The following ASMTL variants were observed in gnomAD, a reference collection of about 807,000 sequenced individuals.
ASMTL encodes the protein probable bifunctional dTTP/UTP pyrophosphatase/methyltransferase protein.
In ASMTL, 57 loss-of-function variants were observed where a neutral mutation model predicts 60.3. The observed-to-expected ratio is 0.95, with a 90% CI of 0.76 to 1.18. The LOEUF is 1.18. ASMTL is among the 50% of genes most tolerant of loss of function. ASMTL has a pLI of 0.00. For missense variants in ASMTL, 981 were observed against 852.6 expected (o/e 1.15, Z -1.88); for synonymous variants, 419 against 373.0 (o/e 1.12, Z -1.42).
At position 1,442,319 on chromosome X, in the gene ASMTL, T is replaced by C; in HGVS notation, c.94-2A>G. 1 of 1,613,788 alleles carries C rather than the reference T, an allele frequency of 6.2e-7. No homozygotes were observed. On this transcript the variant is annotated splice_acceptor_variant, in intron 1 of 12. Coordinates refer to ENST00000381317, the MANE Select transcript of ASMTL (RefSeq NM_004192.4). LOFTEE classifies it high-confidence loss of function. ...GGGGACCACCTCAAACCTGAGACCCTGCAACAGTAGAAAAGGGGTCAGAAG... is the reference window on the plus strand; with the variant it reads ...GGGGACCACCTCAAACCTGAGACCCCGCAACAGTAGAAAAGGGGTCAGAAG...
chrX:1,432,355 G>A lies in ASMTL; in HGVS notation c.423C>T (p.Val141=). ...SSKDHQLDTR[V]SEFYEETKVK... is the part of the protein sequence containing the mutation. ...CCTTCGTTTCCTCGTAGAATTCCGAGACCCTGGTGTCCAGCTGATGGTCTG... is the reference window on the plus strand; with the variant it reads ...CCTTCGTTTCCTCGTAGAATTCCGAAACCCTGGTGTCCAGCTGATGGTCTG... The change falls in exon 6 of 13, where the codon GTC becomes GTT. Residue 141 remains valine (V), a synonymous_variant. Coordinates refer to ENST00000381317, the MANE Select transcript of ASMTL (RefSeq NM_004192.4). The A allele has an allele frequency of 5.0e-6, 8 of 1,613,118 alleles. No homozygotes were observed. Among genetic ancestry groups the A allele is most frequent in the Non-Finnish European group, 5.9e-6 (7 of 1,179,716 alleles).
In ASMTL at chrX:1,421,690, C is replaced by A. The variant is rs182376417; in HGVS notation, c.1213G>T (p.Ala405Ser). ...IREGTNQHHR[A>S]LGKKAEDLFQ... is the part of the protein sequence containing the mutation. ...AGATCTTCCGCCTTCTTCCCCAACGCCCTGTGGTGCTGGTTTGTTCCCTCT... is the reference window on the plus strand; with the variant it reads ...AGATCTTCCGCCTTCTTCCCCAACGACCTGTGGTGCTGGTTTGTTCCCTCT... Residue 405 changes from alanine to serine, a missense_variant, in exon 9 of 13, where the codon GCG (alanine) becomes TCG (serine). Coordinates refer to ENST00000381317, the MANE Select transcript of ASMTL (RefSeq NM_004192.4). 3 of 1,613,906 alleles carry A rather than the reference C, an allele frequency of 1.9e-6. No individual in the cohort carries two copies. In the African/African-American group the frequency reaches 4.0e-5, roughly 22 times the overall value.
rs1297722333 is a variant in ASMTL at position 1,421,983 on chromosome X, A to G, written c.1061-141T>C. The G allele has an allele frequency of 9.3e-6, 7 of 752,084 alleles. No individual in the cohort carries two copies. In the Admixed American group the frequency reaches 1.5e-4, roughly 17 times the overall value. 46.6% of individuals were successfully genotyped at this position (752,084 alleles called of 1,614,324 possible). A position where few individuals can be genotyped will look rare whatever the true frequency, so the allele number is the denominator to read the frequency against. On this transcript the variant is annotated intron_variant, in intron 8 of 12. Transcript: ENST00000381317. ...ACCGTACACTCAAGGAAACCTGACC[A>G]TAGGGGATGCATCATTGAGATGTTA... is the stretch of plus-strand genomic sequence containing the variant.
At chrX:1,446,625 A>G (rs1206650030) in intron 1 of ASMTL, among the ~76,000 whole-genome samples, 1 of 149,746 alleles carries the variant, frequency 6.7e-6, no homozygotes, top group African/African-American at 2.5e-5. Context: ...TCAGCCTCCC[A>G]AGTAGCTGGG....
chrX:1,452,782 G>T lies in ASMTL; in HGVS notation c.59C>A (p.Ala20Asp). 1 of 1,596,772 alleles carries T rather than the reference G, an allele frequency of 6.3e-7. No individual in the cohort carries two copies. The highest frequency in any genetic ancestry group is 1.3e-5 in the African/African-American group (1 of 74,712). Reference sequence around the variant, plus strand: ...GAGGATCTCCTGACGGCGTGGGGAGGCGCTGGCCAGCACCACGCGCTTGTG... The same window carrying T: ...GAGGATCTCCTGACGGCGTGGGGAGTCGCTGGCCAGCACCACGCGCTTGTG... Reference protein sequence around the residue: ...LLHKRVVLASASPRRQEILSN... With the variant: ...LLHKRVVLASDSPRRQEILSN... Residue 20 changes from alanine (A) to aspartate (D), a missense_variant, in exon 1 of 13, where the codon GCC becomes GAC. Coordinates refer to ENST00000381317, the MANE Select transcript of ASMTL (RefSeq NM_004192.4).
At position 1,452,897 on chromosome X, in the gene ASMTL, C is replaced by G; in HGVS notation, c.-57G>C. ...TTCTGAGCCCGGAGCCCGCGGTGCG[C>G]GCAGCGCGGCTGCAAAAAAAACAGG... On this transcript the variant is annotated 5_prime_UTR_variant, in exon 1 of 13. Transcript: ENST00000381317. 5 of 1,342,402 alleles carry G rather than the reference C, an allele frequency of 3.7e-6. No homozygotes were observed. Among genetic ancestry groups the G allele is most frequent in the Non-Finnish European group, 5.0e-6 (5 of 1,007,374 alleles). The allele number at this position is 1,342,402 out of a possible 1,614,324, so 83.2% of individuals were successfully genotyped here.
intron 7 of ASMTL, 36 bp downstream of exon 7, chrX:1,427,698 T>A (rs747318469): frequency 6.4e-7 from 1 of 1,568,834 alleles, no homozygotes; most frequent in East Asian, 2.3e-5. Context: ...GTAGGCTCAT[T>A]TGTGAAATGT....
intron 10 of ASMTL, 103 bp downstream of exon 10, chrX:1,418,879 G>GA: frequency 6.9e-7 from 1 of 1,451,308 alleles, no homozygotes; most frequent in Non-Finnish European, 9.5e-7. Context: ...TCGTTATCAG[G>GA]TTTGTCAATG....
intron 11 of ASMTL, 80 bp from the exon 12 acceptor site, chrX:1,412,934 C>G (rs1323787952): frequency 2.6e-6 from 4 of 1,521,174 alleles, no homozygotes; most frequent in Admixed American, 3.4e-5. Flanking sequence ...GGACGGCCAC[C>G]CGCATCCTAA....
rs367929493 is a variant in ASMTL, at chrX:1,435,015, C to T, written c.400+7G>A. 54 of 1,613,634 alleles carry T rather than the reference C, an allele frequency of 3.3e-5. No individual in the cohort carries two copies. Among genetic ancestry groups the T allele is most frequent in the African/African-American group, 2.7e-5 (2 of 74,898 alleles). On this transcript the variant is annotated splice_region_variant and intron_variant, in intron 5 of 12. Transcript: ENST00000381317. ...TGGGGCTACCCCGAAACCTGGGCCG[C>T]GGTTACCTTTGCTGGAGCAGTGGAC...
intron 2 of ASMTL, among the ~76,000 whole-genome samples, chrX:1,439,423 G>A (rs1478135843): frequency 1.3e-5 from 2 of 152,220 alleles, no homozygotes; most frequent in Non-Finnish European, 1.5e-5. Flanking sequence ...TACGGGAAAC[G>A]CAATGCCTGT....
intron 11 of ASMTL, among the ~76,000 whole-genome samples, chrX:1,416,181 GCACA>G (rs1284641184): frequency 7.6e-6 from 1 of 131,070 alleles, no homozygotes; most frequent in Admixed American, 7.7e-5. Context: ...ATAGCGACAG[GCACA>G]CACAGACGCA....
In ASMTL at chrX:1,425,675, C is replaced by T. The variant is rs371287922; in HGVS notation, c.910G>A (p.Ala304Thr). 29 of 1,613,314 alleles carry T rather than the reference C, an allele frequency of 1.8e-5. No homozygotes were observed. The highest frequency in any genetic ancestry group is 6.7e-5 in the African/African-American group (5 of 74,922). Reference sequence around the variant, plus strand: ...AAATCGAACACCTTCAGTTTGCAAGCGGTGAGCAGGCCCTGTTAAAAGCAA... The same window carrying T: ...AAATCGAACACCTTCAGTTTGCAAGTGGTGAGCAGGCCCTGTTAAAAGCAA... ...GFMLSKGLLT[A>T]CKLKVFDLLK... Residue 304 changes from alanine (A) to threonine (T), a missense_variant, in exon 8 of 13, where the codon GCT (alanine) becomes ACT (threonine). Physicochemically the swap from Ala to Thr is moderately conservative, Grantham distance 58 (BLOSUM62 0). Coordinates refer to ENST00000381317, the MANE Select transcript of ASMTL (RefSeq NM_004192.4).
chrX:1,434,942 C>A, intron 5 of ASMTL, 80 bp downstream of exon 5: 1 of 1,524,100 alleles, frequency 6.6e-7, no homozygotes, highest in Non-Finnish European at 9.1e-7. Flanking sequence ...CGTCCTCCTC[C>A]CTCAAGCCAA....
chrX:1,435,151 C>CA, intron 4 of ASMTL, 68 bp from the exon 5 acceptor site: 1 of 1,553,642 alleles, frequency 6.4e-7, no homozygotes, highest in Non-Finnish European at 8.9e-7. Context: ...GCGAGTTTCT[C>CA]AAAACCAGGG....
chrX:1,407,696 C>T (rs1291174378), intron 12 of ASMTL, among the ~76,000 whole-genome samples: 3 of 151,314 alleles, frequency 2.0e-5, no homozygotes, highest in Admixed American at 6.6e-5. Flanking sequence ...CCAACCTGAG[C>T]AACATAGTGA....
intron 10 of ASMTL, among the ~76,000 whole-genome samples, chrX:1,418,653 A>C (rs1349497358): frequency 6.6e-6 from 1 of 151,888 alleles, no homozygotes; most frequent in Admixed American, 6.6e-5. Flanking sequence ...CTACTGCTCC[A>C]CCCACTGTCC....
intron 6 of ASMTL, 131 bp from the exon 7 acceptor site, chrX:1,428,252 T>C: frequency 1.8e-6 from 2 of 1,139,838 alleles, no homozygotes; most frequent in Non-Finnish European, 2.4e-6. Context: ...GCTAACACAG[T>C]GAAACCCTGT....
At chrX:1,416,336 C>T (rs1569532065) in intron 11 of ASMTL, among the ~76,000 whole-genome samples, 9 of 18,110 alleles carry the variant, frequency 5.0e-4, no homozygotes, top group Non-Finnish European at 4.6e-4. Context: ...CACACACGGA[C>T]ATACAGATAC....
Sources: allele counts gnomAD v4.1 joint callset (sites outside exome capture counted in the v4.1 genomes callset), GRCh38; gene constraint gnomAD v4.1.1; transcripts MANE v1.5; gene names NCBI Gene and HGNC (gene_info 2026-07-23, HGNC 2026-07-21).